The following WFDC9 variants were observed in gnomAD, a reference collection of about 807,000 sequenced individuals.
The protein encoded by WFDC9 is protein WFDC9.
In WFDC9, 9 loss-of-function variants were observed where a neutral mutation model predicts 9.5. The observed-to-expected ratio is 0.95, with a 90% CI of 0.57 to 1.65. The LOEUF (loss-of-function observed/expected upper bound fraction) is 1.65. WFDC9 is among the 40% of genes most tolerant of loss of function. WFDC9 has a pLI of 0.00. For missense variants in WFDC9, 87 were observed against 106.7 expected (o/e 0.82, Z 0.81); for synonymous variants, 33 against 32.3 (o/e 1.02, Z -0.07).
chr20:45,619,146 T>C lies in WFDC9; in HGVS notation c.-152-4425A>G, dbSNP rs547839266. Among the ~76,000 whole-genome samples the C allele has an allele frequency of 3.3e-5, 5 of 152,294 alleles. No homozygotes were observed. In the East Asian group the frequency reaches 5.8e-4, roughly 18 times the overall value. On this transcript the variant is annotated intron_variant, in intron 1 of 4. Coordinates refer to ENST00000326000, the MANE Select transcript of WFDC9 (RefSeq NM_147198.4). ...GAAAATGGTGCCAAACCTAGAGTGA[T>C]TGAATTATGGATTTCTAAGATATTT...
chr20:45,619,957 C>G (rs7509607), intron 1 of WFDC9, among the ~76,000 whole-genome samples: 1 of 151,706 alleles, frequency 6.6e-6, no homozygotes, highest in Admixed American at 6.6e-5. Context: ...ACCCAGGAGG[C>G]GGAGGTTGCA....
intron 1 of WFDC9, among the ~76,000 whole-genome samples, chr20:45,622,654 C>T (rs1403925802): frequency 6.6e-6 from 1 of 152,166 alleles, no homozygotes; most frequent in Non-Finnish European, 1.5e-5. Flanking sequence ...CTGTCATGTA[C>T]ATTTTCTCTA....
intron 3 of WFDC9, 35 bp downstream of exon 3, chr20:45,610,056 G>T (rs201794891): frequency 6.3e-7 from 1 of 1,581,342 alleles, no homozygotes; most frequent in Non-Finnish European, 8.7e-7. Flanking sequence ...TCCCAGGACT[G>T]GGCAGAGCAC....
At chr20:45,628,669 G>A (rs569762944) in intron 1 of WFDC9, among the ~76,000 whole-genome samples, 11 of 152,160 alleles carry the variant, frequency 7.2e-5, no homozygotes, top group Non-Finnish European at 1.2e-4. Context: ...AAAGGATATC[G>A]CAAAGGATAC....
At chr20:45,627,499 T>G (rs549207021) in intron 1 of WFDC9, among the ~76,000 whole-genome samples, 1 of 152,044 alleles carries the variant, frequency 6.6e-6, no homozygotes, top group South Asian at 2.1e-4. Context: ...TCTCCTTACT[T>G]GTTATTCGTC....
chr20:45,621,412 C>G (rs1157546433), intron 1 of WFDC9, among the ~76,000 whole-genome samples: 1 of 152,154 alleles, frequency 6.6e-6, no homozygotes, highest in Non-Finnish European at 1.5e-5. Context: ...TCTCACTATG[C>G]AAAATTGTTG....
intron 1 of WFDC9, among the ~76,000 whole-genome samples, chr20:45,626,322 C>T (rs539636627): frequency 1.3e-5 from 2 of 152,290 alleles, no homozygotes; most frequent in South Asian, 4.1e-4. Context: ...TTTTATATTA[C>T]TGTGAAGAAT....
Position 45,608,791 on chromosome 20 carries a change from T to C in WFDC9, c.111A>G (p.Glu37=). ...GAGGCTGTACCCAGCACTGCTCAGTTTCTCTTATCATATCTAGAACTGAGA... is the reference window on the plus strand; with the variant it reads ...GAGGCTGTACCCAGCACTGCTCAGTCTCTCTTATCATATCTAGAACTGAGA... ...NKDPFLDMIR[E]TEQCWVQPPY... is the part of the protein sequence containing the mutation. Residue 37 remains glutamate (E), a synonymous_variant, in exon 4 of 5, where the codon GAA becomes GAG. Transcript: ENST00000326000. The C allele has an allele frequency of 6.2e-7, 1 of 1,612,790 alleles. No homozygotes were observed. The highest frequency in any genetic ancestry group is 1.1e-5 in the South Asian group (1 of 90,788).
chr20:45,627,907 CAT>C (rs1157652058), intron 1 of WFDC9, among the ~76,000 whole-genome samples: 6 of 152,010 alleles, frequency 3.9e-5, no homozygotes, highest in East Asian at 1.9e-4. Flanking sequence ...ACTTTTTGTA[CAT>C]GTTTTATTTG....
chr20:45,609,980 A>G, intron 3 of WFDC9, 111 bp downstream of exon 3: 3 of 778,860 alleles, frequency 3.9e-6, no homozygotes, highest in Non-Finnish European at 6.2e-6. Flanking sequence ...GAATATCTCT[A>G]CTTAAGGAGA....
At position 45,610,250 on chromosome 20, in the gene WFDC9, T is replaced by A; in HGVS notation, c.-58-11A>T. On this transcript the variant is annotated splice_polypyrimidine_tract_variant and intron_variant, in intron 2 of 4. Transcript: ENST00000326000. The stretch of plus-strand genomic sequence containing the variant: ...AGTCTTTTCCCAATACTGCTAGACG[T>A]AGAAAATGGATTGAGGAGAACAGGG... 7.4e-7 allele frequency: 1 copy of A among 1,359,226 alleles called. No individual in the cohort carries two copies. The highest frequency in any genetic ancestry group is 1.0e-6 in the Non-Finnish European group (1 of 960,770). 84.2% of individuals were successfully genotyped at this position (1,359,226 alleles called of 1,614,324 possible).
chr20:45,630,684 G>A (rs1982341412), intron 1 of WFDC9, among the ~76,000 whole-genome samples: 1 of 152,040 alleles, frequency 6.6e-6, no homozygotes, highest in South Asian at 2.1e-4. Flanking sequence ...GTACAGTGGA[G>A]AGACAGGATT....
chr20:45,615,777 T>C lies in WFDC9; in HGVS notation c.-152-1056A>G, dbSNP rs142638532. Among the ~76,000 whole-genome samples, 290 of 149,624 alleles carry C rather than the reference T, an allele frequency of 1.9e-3. 2 individuals are homozygous for C. The highest frequency in any genetic ancestry group is 6.6e-3 in the African/African-American group (256 of 38,982). On this transcript the variant is annotated intron_variant, in intron 1 of 4. Coordinates refer to ENST00000326000, the MANE Select transcript of WFDC9 (RefSeq NM_147198.4). ...TAAACAGTTTCTAATAGTTTTCTTA[T>C]GATGAATTTCATTATTACTTATTAA...
Position 45,608,088 on chromosome 20 carries a change from A to G in WFDC9, c.*22T>C. 1.2e-6 allele frequency: 2 copies of G among 1,613,480 alleles called. No homozygotes were observed. Among genetic ancestry groups the G allele is most frequent in the Non-Finnish European group, 1.7e-6 (2 of 1,179,670 alleles). On this transcript the variant is annotated 3_prime_UTR_variant, in exon 5 of 5. Transcript: ENST00000326000. ...ACCAGATGGTCATCCTTCAGCCCAC[A>G]GTAGTGATCGGCCAATAGAATCTAG... is the stretch of plus-strand genomic sequence containing the variant.
rs1397268668 is a variant in WFDC9 at position 45,614,712 on chromosome 20, G to A, written c.-143C>T. On this transcript the variant is annotated 5_prime_UTR_variant, in exon 2 of 5. Transcript: ENST00000326000. ...CTTTTATTATGAAGTTGTTTGAAGTGGGGCTCGAACTGGGGGCAGAAGAGC... is the reference window on the plus strand; with the variant it reads ...CTTTTATTATGAAGTTGTTTGAAGTAGGGCTCGAACTGGGGGCAGAAGAGC... 2.0e-5 allele frequency: 3 copies of A among 152,156 alleles called. No homozygotes were observed. In the East Asian group the frequency reaches 5.8e-4, roughly 29 times the overall value. The allele number at this position is 152,156 out of a possible 1,614,324, so 9.4% of individuals were successfully genotyped here. A position where few individuals can be genotyped will look rare whatever the true frequency, so the allele number is the denominator to read the frequency against.
At chr20:45,622,923 C>T (rs924031944) in intron 1 of WFDC9, among the ~76,000 whole-genome samples, 3 of 152,260 alleles carry the variant, frequency 2.0e-5, no homozygotes, top group African/African-American at 7.2e-5. Flanking sequence ...CATTAACCAG[C>T]TCAACTTGAT....
chr20:45,620,384 G>A (rs1484319549), intron 1 of WFDC9, among the ~76,000 whole-genome samples: 2 of 152,068 alleles, frequency 1.3e-5, no homozygotes, highest in Admixed American at 6.6e-5. Flanking sequence ...TTGAGGCCAG[G>A]AGTTCAAGAC....
At chr20:45,614,508 T>G (rs960643546) in intron 2 of WFDC9, 120 bp downstream of exon 2, 2 of 152,174 alleles carry the variant, frequency 1.3e-5, no homozygotes, top group Non-Finnish European at 2.9e-5. Flanking sequence ...AATTTTCTTA[T>G]TTGAACAAAA....
intron 1 of WFDC9, among the ~76,000 whole-genome samples, chr20:45,624,860 T>A (rs190922284): frequency 6.6e-6 from 1 of 152,320 alleles, no homozygotes; most frequent in East Asian, 1.9e-4. Flanking sequence ...TTTTTTCATA[T>A]ATTTGTTGGT....
Sources: gnomAD v4.1 joint callset for allele counts (sites outside exome capture counted in the v4.1 genomes callset) on GRCh38, gnomAD v4.1.1 for gene constraint, MANE v1.5 for transcripts, NCBI Gene and HGNC (gene_info 2026-07-23, HGNC 2026-07-21) for gene names.